The following TFEC variants were observed in gnomAD, a reference collection of about 807,000 sequenced individuals.
TFEC encodes the protein transcription factor EC, also known as class E basic helix-loop-helix protein 34.
A neutral mutation model predicts 41.6 loss-of-function variants in TFEC; 31 were observed. That is an observed-to-expected ratio of 0.74 (90% CI 0.56 to 1.01). The LOEUF (loss-of-function observed/expected upper bound fraction) is 1.01, where lower values mean the gene tolerates loss of function less well. Ranked by LOEUF, TFEC falls within the 50% of genes least tolerant of loss-of-function variation. TFEC has a pLI of 0.00. For missense variants in TFEC, 402 were observed against 404.1 expected, an observed-to-expected ratio of 0.99 and a Z score of 0.04; for synonymous variants, 143 against 140.6, an observed-to-expected ratio of 1.02 and a Z score of -0.12.
At chr7:116,075,242 A>G (rs1041713441) in intron 3 of TFEC, among the ~76,000 whole-genome samples, 2 of 152,150 alleles carry the variant, frequency 1.3e-5, no homozygotes, top group African/African-American at 4.8e-5. Flanking sequence ...AGTCCATCTC[A>G]GATATAGGAT....
At chr7:115,986,292 C>T (rs766747237) in intron 1 of TFEC, among the ~76,000 whole-genome samples, 2 of 152,066 alleles carry the variant, frequency 1.3e-5, no homozygotes, top group African/African-American at 2.4e-5. Context: ...CTTGTTTTAA[C>T]CTTAGGAGAT....
intron 3 of TFEC, among the ~76,000 whole-genome samples, chr7:116,041,911 C>T (rs182345593): frequency 5.5e-4 from 84 of 152,198 alleles, no homozygotes; most frequent in Non-Finnish European, 8.4e-4. Context: ...AAACAAAGGG[C>T]GAGAGATGCA....
chr7:116,091,154 A>G (rs889434980), intron 3 of TFEC, among the ~76,000 whole-genome samples: 39 of 152,212 alleles, frequency 2.6e-4, no homozygotes, highest in Admixed American at 1.8e-3. Context: ...TCTGAACTGT[A>G]GACTTAAAAG....
At chr7:116,087,214 A>G (rs1797221811) in intron 3 of TFEC, among the ~76,000 whole-genome samples, 1 of 152,038 alleles carries the variant, frequency 6.6e-6, no homozygotes, top group African/African-American at 2.4e-5. Context: ...GGCTTAAAAT[A>G]CATTTATTTG....
At chr7:116,062,211 C>T (rs887987312) in intron 3 of TFEC, among the ~76,000 whole-genome samples, 1 of 133,936 alleles carries the variant, frequency 7.5e-6, no homozygotes, top group Non-Finnish European at 1.6e-5. Context: ...CAGGCATGTG[C>T]CAACATGCCT....
At chr7:115,963,223 T>C (rs1041142019) in intron 3 of TFEC, among the ~76,000 whole-genome samples, 7 of 151,826 alleles carry the variant, frequency 4.6e-5, no homozygotes, top group Non-Finnish European at 2.9e-5. Context: ...AATAAGCACA[T>C]GAAAAGATGC....
At chr7:115,998,843 T>C (rs1191569670) in intron 1 of TFEC, among the ~76,000 whole-genome samples, 1 of 130,442 alleles carries the variant, frequency 7.7e-6, no homozygotes, top group Non-Finnish European at 1.8e-5. Flanking sequence ...CAAATATTAT[T>C]AGCGCTAAAG....
intron 3 of TFEC, among the ~76,000 whole-genome samples, chr7:115,971,233 C>A (rs1477402877): frequency 6.6e-6 from 1 of 151,922 alleles, no homozygotes; most frequent in African/African-American, 2.4e-5. Flanking sequence ...AGAAGCTGCT[C>A]CATTATCTCA....
At chr7:115,967,205 G>GA (rs951365499) in intron 3 of TFEC, among the ~76,000 whole-genome samples, 1 of 151,170 alleles carries the variant, frequency 6.6e-6, no homozygotes, top group African/African-American at 2.4e-5. Flanking sequence ...GATAACAAAA[G>GA]AAAAAAATAC....
chr7:116,060,988 A>C (rs971540184), intron 3 of TFEC, among the ~76,000 whole-genome samples: 4 of 152,180 alleles, frequency 2.6e-5, no homozygotes, highest in Non-Finnish European at 4.4e-5. Flanking sequence ...ATATTTGAAG[A>C]GGCATACTGT....
intron 1 of TFEC, among the ~76,000 whole-genome samples, chr7:116,015,870 T>G (rs998660665): frequency 2.0e-5 from 3 of 152,004 alleles, no homozygotes; most frequent in Non-Finnish European, 4.4e-5. Flanking sequence ...CTGTGGAACA[T>G]GTAAGGGGAA....
intron 3 of TFEC, among the ~76,000 whole-genome samples, chr7:116,043,637 A>G (rs1462518101): frequency 6.6e-6 from 1 of 152,222 alleles, no homozygotes; most frequent in East Asian, 1.9e-4. Context: ...CTCAAATAAA[A>G]CATATTAAAA....
chr7:115,987,705 A>C (rs1357328691), intron 1 of TFEC, among the ~76,000 whole-genome samples: 1 of 152,146 alleles, frequency 6.6e-6, no homozygotes, highest in Non-Finnish European at 1.5e-5. Context: ...TCTTGTACAT[A>C]GCCCAGAGAA....
chr7:116,122,304 G>T (rs958091357), intron 1 of TFEC, among the ~76,000 whole-genome samples: 3 of 152,024 alleles, frequency 2.0e-5, no homozygotes, highest in African/African-American at 7.2e-5. Flanking sequence ...GTTAGCAAAA[G>T]TTCATTAATA....
rs1246445147 is a variant in TFEC, at chr7:115,936,803, GGT to G, written c.*3746_*3747del. Reference sequence around the variant, plus strand: ...TAAATATTTGATTTACAGTCATGTAGGTGGGAAAAAAATGAGTTGAAAAAGGA... The same window carrying G: ...TAAATATTTGATTTACAGTCATGTAGGGGAAAAAAATGAGTTGAAAAAGGA... On this transcript the variant is annotated 3_prime_UTR_variant, in exon 8 of 8. Transcript: ENST00000265440. The G allele has an allele frequency of 6.6e-6, 1 of 151,288 alleles. No homozygotes were observed. Among genetic ancestry groups the G allele is most frequent in the Non-Finnish European group, 1.5e-5 (1 of 67,584 alleles). The allele number at this position is 151,288 out of a possible 1,614,324, so 9.4% of individuals were successfully genotyped here. A position where few individuals can be genotyped will look rare whatever the true frequency, so the allele number is the denominator to read the frequency against.
At chr7:115,975,875 T>C (rs1225581278) in intron 2 of TFEC, among the ~76,000 whole-genome samples, 1 of 152,100 alleles carries the variant, frequency 6.6e-6, no homozygotes, top group Admixed American at 6.5e-5. Flanking sequence ...CTAATGGGAA[T>C]AGAGCAGAGT....
chr7:116,025,319 T>A (rs1795546801), intron 1 of TFEC, among the ~76,000 whole-genome samples: 1 of 152,150 alleles, frequency 6.6e-6, no homozygotes, highest in South Asian at 2.1e-4. Context: ...TTATGTTCTG[T>A]ACTCTGAAAA....
chr7:116,128,833 A>T (rs996484011), intron 1 of TFEC, among the ~76,000 whole-genome samples: 2 of 152,202 alleles, frequency 1.3e-5, no homozygotes, highest in Admixed American at 6.5e-5. Context: ...GGAGTACTTG[A>T]AGGTAAAGAA....
chr7:116,043,272 T>C (rs907993974), intron 3 of TFEC, among the ~76,000 whole-genome samples: 8 of 152,162 alleles, frequency 5.3e-5, no homozygotes, highest in Non-Finnish European at 1.0e-4. Context: ...GACTTTTTTT[T>C]CTGAGTAAGA....
Sources: allele counts gnomAD v4.1 joint callset (sites outside exome capture counted in the v4.1 genomes callset), GRCh38; gene constraint gnomAD v4.1.1; transcripts MANE v1.5; gene names NCBI Gene and HGNC (gene_info 2026-07-23, HGNC 2026-07-21).